Variants in PXDNL observed in about 807,000 individuals in gnomAD.
PXDNL encodes probable oxidoreductase PXDNL.
A neutral mutation model predicts 150.8 loss-of-function variants in PXDNL; 145 were observed. The ratio of observed to expected loss-of-function variants is 0.96; its 90% CI spans 0.84 to 1.10. The LOEUF (loss-of-function observed/expected upper bound fraction) is 1.10. PXDNL is among the 50% of genes least tolerant of loss of function. PXDNL has a pLI of 0.00. For missense variants in PXDNL, 2,087 were observed against 1,873.9 expected (o/e 1.11, Z -2.10); for synonymous variants, 757 against 725.7 (o/e 1.04, Z -0.69).
chr8:51,775,269 G>C (rs1388299654), intron 1 of PXDNL, among the ~76,000 whole-genome samples: 1 of 152,148 alleles, frequency 6.6e-6, no homozygotes, highest in East Asian at 1.9e-4. Flanking sequence ...ATTCCCCAAA[G>C]AGAAGAAGCT....
At chr8:51,467,894 T>C (rs1810236913) in intron 8 of PXDNL, among the ~76,000 whole-genome samples, 1 of 152,112 alleles carries the variant, frequency 6.6e-6, no homozygotes, top group Non-Finnish European at 1.5e-5. Context: ...CATCTTTGAA[T>C]CTATTCAATT....
chr8:51,447,855 T>C (rs1314635020), intron 11 of PXDNL, among the ~76,000 whole-genome samples: 6 of 152,306 alleles, frequency 3.9e-5, no homozygotes, highest in African/African-American at 1.2e-4. Context: ...ATTCTAAATG[T>C]TGAAGAGTAT....
At chr8:51,594,656 C>T (rs1399423761) in intron 2 of PXDNL, among the ~76,000 whole-genome samples, 1 of 152,144 alleles carries the variant, frequency 6.6e-6, no homozygotes, top group African/African-American at 2.4e-5. Flanking sequence ...GAAATCAACT[C>T]ATTAAAATGG....
At chr8:51,464,993 C>A (rs568159712) in intron 8 of PXDNL, among the ~76,000 whole-genome samples, 8 of 152,110 alleles carry the variant, frequency 5.3e-5, no homozygotes, top group Admixed American at 5.2e-4. Flanking sequence ...AGAGCTTGTG[C>A]GAATTCTACT....
intron 17 of PXDNL, among the ~76,000 whole-genome samples, chr8:51,384,041 G>A (rs1160851371): frequency 6.6e-6 from 1 of 152,168 alleles, no homozygotes; most frequent in African/African-American, 2.4e-5. Context: ...AAACACAAAG[G>A]AAAGGTGCTT....
At chr8:51,432,212 G>A (rs1408794200) in intron 12 of PXDNL, among the ~76,000 whole-genome samples, 1 of 152,154 alleles carries the variant, frequency 6.6e-6, no homozygotes, top group Non-Finnish European at 1.5e-5. Context: ...AGTTGCCCAG[G>A]ACTATTACTG....
chr8:51,666,708 C>T (rs551481461), intron 1 of PXDNL, among the ~76,000 whole-genome samples: 1 of 152,264 alleles, frequency 6.6e-6, no homozygotes, highest in East Asian at 1.9e-4. Flanking sequence ...CCCTACACAT[C>T]CATGCAGCTA....
intron 4 of PXDNL, among the ~76,000 whole-genome samples, chr8:51,543,757 A>T (rs957334957): frequency 4.6e-5 from 7 of 151,970 alleles, no homozygotes; most frequent in African/African-American, 1.7e-4. Flanking sequence ...TGACCAGTCA[A>T]AGTGGATTAT....
chr8:51,643,624 T>C (rs1043015759), intron 2 of PXDNL, among the ~76,000 whole-genome samples: 1 of 152,150 alleles, frequency 6.6e-6, no homozygotes, highest in Non-Finnish European at 1.5e-5. Context: ...ATTCAGGACA[T>C]AGGCATGGGC....
At chr8:51,506,820 T>C (rs1388043796) in intron 4 of PXDNL, among the ~76,000 whole-genome samples, 2 of 152,168 alleles carry the variant, frequency 1.3e-5, no homozygotes, top group Non-Finnish European at 2.9e-5. Context: ...TCACTGTCTT[T>C]AGCAGGAATT....
intron 21 of PXDNL, among the ~76,000 whole-genome samples, chr8:51,325,677 G>A (rs1293240805): frequency 1.3e-5 from 2 of 152,152 alleles, no homozygotes; most frequent in South Asian, 2.1e-4. Flanking sequence ...CTTCATTCCT[G>A]CTGGGTTAGG....
At chr8:51,399,060 G>A (rs902566698) in intron 17 of PXDNL, among the ~76,000 whole-genome samples, 2 of 152,032 alleles carry the variant, frequency 1.3e-5, no homozygotes, top group African/African-American at 4.8e-5. Flanking sequence ...AAAATCAATA[G>A]AATATTTCCA....
chr8:51,499,580 T>C lies in PXDNL; in HGVS notation c.452+119A>G, dbSNP rs545036425. On this transcript the variant is annotated intron_variant, in intron 5 of 22. Transcript: ENST00000356297. ...TTAACTCTGTTTTGTAGTGCCAAGG[T>C]ACAGGCTCTGCCTCTAAAGCTTACA... 6.5e-5 allele frequency: 46 copies of C among 712,374 alleles called. No individual in the cohort carries two copies. The African/African-American group carries it at 7.8e-4, about 12-fold the overall frequency. 44.1% of individuals were successfully genotyped at this position (712,374 alleles called of 1,614,324 possible). A position where few individuals can be genotyped will look rare whatever the true frequency, so the allele number is the denominator to read the frequency against.
At chr8:51,781,831 A>G (rs1011656519) in intron 1 of PXDNL, among the ~76,000 whole-genome samples, 1 of 152,170 alleles carries the variant, frequency 6.6e-6, no homozygotes, top group Non-Finnish European at 1.5e-5. Flanking sequence ...TCATAATCCA[A>G]TCCAGAGCAA....
intron 1 of PXDNL, among the ~76,000 whole-genome samples, chr8:51,718,596 C>T (rs1269958294): frequency 6.6e-6 from 1 of 152,198 alleles, no homozygotes; most frequent in Non-Finnish European, 1.5e-5. Flanking sequence ...CTTCTCATTG[C>T]TTACTAGTCA....
chr8:51,474,667 G>A (rs1003860233), intron 7 of PXDNL, among the ~76,000 whole-genome samples: 1 of 152,088 alleles, frequency 6.6e-6, no homozygotes, highest in African/African-American at 2.4e-5. Context: ...AGATTTTAAC[G>A]TTGGACACCA....
chr8:51,775,725 T>C (rs2129245216), intron 1 of PXDNL, among the ~76,000 whole-genome samples: 1 of 152,312 alleles, frequency 6.6e-6, no homozygotes, highest in African/African-American at 2.4e-5. Context: ...AAGCTGAGGA[T>C]GAATATCACC....
At chr8:51,701,522 T>C (rs1481193993) in intron 1 of PXDNL, among the ~76,000 whole-genome samples, 2 of 152,172 alleles carry the variant, frequency 1.3e-5, no homozygotes, top group Non-Finnish European at 2.9e-5. Flanking sequence ...GTTCTTCCAT[T>C]CTACTTTGCC....
At chr8:51,736,434 A>C (rs944984351) in intron 1 of PXDNL, among the ~76,000 whole-genome samples, 1 of 152,224 alleles carries the variant, frequency 6.6e-6, no homozygotes, top group Non-Finnish European at 1.5e-5. Context: ...CTCCAGACTA[A>C]CTGACTCCAA....
Sources: gnomAD v4.1 joint callset for allele counts (sites outside exome capture counted in the v4.1 genomes callset) on GRCh38, gnomAD v4.1.1 for gene constraint, MANE v1.5 for transcripts, NCBI Gene and HGNC (gene_info 2026-07-23, HGNC 2026-07-21) for gene names.